The following COL25A1 variants were observed in gnomAD, a reference collection of about 807,000 sequenced individuals.
COL25A1 encodes the protein collagen type XXV alpha 1 chain, also known as collagen alpha-1(XXV) chain.
A neutral mutation model predicts 128.4 loss-of-function variants in COL25A1; 103 were observed. That is an observed-to-expected ratio of 0.80 (90% CI 0.68 to 0.94). The LOEUF (loss-of-function observed/expected upper bound fraction) is 0.94. Ranked by LOEUF, COL25A1 falls within the 40% of genes least tolerant of loss-of-function variation. COL25A1 has a pLI of 0.00. For synonymous variants in COL25A1, 279 were observed against 277.2 expected, an observed-to-expected ratio of 1.01 and a Z score of -0.06; for missense variants, 745 against 840.0, an observed-to-expected ratio of 0.89 and a Z score of 1.40.
At position 108,937,732 on chromosome 4, in the gene COL25A1, A is replaced by G. The variant is rs1578823564; in HGVS notation, c.708+76T>C. 3 of 1,247,366 alleles carry G rather than the reference A, an allele frequency of 2.4e-6. No individual in the cohort carries two copies. In the East Asian group the frequency reaches 7.1e-5, roughly 30 times the overall value. The allele number at this position is 1,247,366 out of a possible 1,614,324, so 77.3% of individuals were successfully genotyped here. ...TTATAGTCTGTCATATGACAGATAC[A>G]TTCATCACACATAATCTTGACCATA... On this transcript the variant is annotated intron_variant, in intron 11 of 37. Transcript: ENST00000399132.
At chr4:109,132,558 CA>C (rs1003873850) in intron 3 of COL25A1, among the ~76,000 whole-genome samples, 11 of 151,594 alleles carry the variant, frequency 7.3e-5, no homozygotes, top group African/African-American at 2.4e-4. Flanking sequence ...CTATTCTATC[CA>C]AAAAAATACA....
At chr4:109,013,156 GCT>G (rs1420890670) in intron 5 of COL25A1, among the ~76,000 whole-genome samples, 3 of 151,818 alleles carry the variant, frequency 2.0e-5, no homozygotes, top group African/African-American at 7.3e-5. Flanking sequence ...ACCAATCAGT[GCT>G]CTGTGTCTAG....
At chr4:109,066,714 G>A (rs1340534089) in intron 3 of COL25A1, among the ~76,000 whole-genome samples, 1 of 152,140 alleles carries the variant, frequency 6.6e-6, no homozygotes, top group African/African-American at 2.4e-5. Context: ...CCAGGCTGGA[G>A]TGCCATGGCA....
intron 3 of COL25A1, among the ~76,000 whole-genome samples, chr4:109,197,951 T>G (rs946802367): frequency 6.6e-6 from 1 of 152,166 alleles, no homozygotes; most frequent in Admixed American, 6.6e-5. Flanking sequence ...TTGTCAATAT[T>G]ACATTCACCC....
At chr4:109,002,246 G>A (rs1755508137) in intron 6 of COL25A1, among the ~76,000 whole-genome samples, 1 of 152,216 alleles carries the variant, frequency 6.6e-6, no homozygotes, top group South Asian at 2.1e-4. Context: ...GTATGTTGAA[G>A]AGATATCTGC....
At chr4:108,949,971 C>G (rs1749216482) in intron 8 of COL25A1, among the ~76,000 whole-genome samples, 1 of 152,162 alleles carries the variant, frequency 6.6e-6, no homozygotes, top group African/African-American at 2.4e-5. Context: ...ACAAGATAGA[C>G]TTTATACCAG....
intron 13 of COL25A1, among the ~76,000 whole-genome samples, chr4:108,904,275 G>A (rs1743195249): frequency 6.6e-6 from 1 of 152,054 alleles, no homozygotes; most frequent in Non-Finnish European, 1.5e-5. Flanking sequence ...TGTGCCCAAA[G>A]AGCTTATTTT....
intron 32 of COL25A1, among the ~76,000 whole-genome samples, chr4:108,828,774 C>T (rs1732699488): frequency 6.6e-6 from 1 of 152,186 alleles, no homozygotes; most frequent in Non-Finnish European, 1.5e-5. Context: ...CTCCTTTTAT[C>T]ATACCCCTGA....
At chr4:109,190,750 T>C (rs1356316662) in intron 3 of COL25A1, among the ~76,000 whole-genome samples, 2 of 152,230 alleles carry the variant, frequency 1.3e-5, no homozygotes, top group Non-Finnish European at 2.9e-5. Flanking sequence ...AGAGGCTAAA[T>C]ATTCTAAAGC....
At chr4:109,024,924 G>A (rs1418248082) in intron 5 of COL25A1, among the ~76,000 whole-genome samples, 1 of 152,106 alleles carries the variant, frequency 6.6e-6, no homozygotes, top group Non-Finnish European at 1.5e-5. Context: ...ATAAAGAAAG[G>A]GGCAGAAGAG....
At chr4:108,899,966 A>G (rs1742634990) in intron 14 of COL25A1, among the ~76,000 whole-genome samples, 1 of 152,192 alleles carries the variant, frequency 6.6e-6, no homozygotes, top group African/African-American at 2.4e-5. Context: ...CATTATGAAA[A>G]TAGTTTCCTA....
chr4:109,111,057 C>G (rs1278394933), intron 3 of COL25A1, among the ~76,000 whole-genome samples: 1 of 152,194 alleles, frequency 6.6e-6, no homozygotes, highest in Admixed American at 6.5e-5. Context: ...GCACATGAGG[C>G]CCTTCAAAAT....
intron 3 of COL25A1, among the ~76,000 whole-genome samples, chr4:109,218,353 T>G (rs1041166215): frequency 3.9e-5 from 5 of 128,992 alleles, no homozygotes; most frequent in Admixed American, 3.1e-4. Flanking sequence ...GCTGGTTTTT[T>G]GGGGTTTTTT....
Position 109,083,757 on chromosome 4 carries a change from G to A in COL25A1, c.368-33578C>T, listed in dbSNP as rs1007865258. On this transcript the variant is annotated intron_variant, in intron 3 of 37. Coordinates refer to ENST00000399132, the MANE Select transcript of COL25A1 (RefSeq NM_198721.4). The stretch of plus-strand genomic sequence containing the variant: ...TGGGATTACAGGCGTGAGCCACCGC[G>A]TCCGGCCTAAATAAAATATTTTATA... Among the ~76,000 whole-genome samples, 7 of 152,024 alleles carry A rather than the reference G, an allele frequency of 4.6e-5. No individual in the cohort carries two copies. In the South Asian group the frequency reaches 8.3e-4, roughly 18 times the overall value.
intron 3 of COL25A1, among the ~76,000 whole-genome samples, chr4:109,201,702 T>C (rs367798116): frequency 8.5e-5 from 13 of 152,256 alleles, no homozygotes; most frequent in African/African-American, 3.1e-4. Flanking sequence ...TACAACTGTC[T>C]TTTCCACAGA....
At chr4:109,218,357 G>GTTTTTTTTTTGTTTGTT (rs1553961829) in intron 3 of COL25A1, among the ~76,000 whole-genome samples, 81 of 73,424 alleles carry the variant, frequency 1.1e-3, no homozygotes, top group South Asian at 1.4e-3. Context: ...GTTTTTTGGG[G>GTTTTTTTTTTGTTTGTT]TTTTTTTTTT....
intron 6 of COL25A1, among the ~76,000 whole-genome samples, chr4:108,995,692 GA>G (rs1189823755): frequency 1.3e-5 from 2 of 152,110 alleles, no homozygotes; most frequent in African/African-American, 4.8e-5. Flanking sequence ...TGAAATGAAC[GA>G]AAAAATGTTA....
rs1730906508 is a variant in COL25A1 at position 108,812,820 on chromosome 4, A to G, written c.*1107T>C. On this transcript the variant is annotated 3_prime_UTR_variant, in exon 38 of 38. Transcript: ENST00000399132. ...GTAAGCTCTCCTATATCATCGGGAG[A>G]GGCGATTTTGGCTGATCCCTTCTCA... is the stretch of plus-strand genomic sequence containing the variant. The G allele has an allele frequency of 6.6e-6, 1 of 152,090 alleles. No individual in the cohort carries two copies. The highest frequency in any genetic ancestry group is 2.4e-5 in the African/African-American group (1 of 41,416). 9.4% of individuals were successfully genotyped at this position (152,090 alleles called of 1,614,324 possible).
At chr4:109,147,643 C>A (rs573458072) in intron 3 of COL25A1, among the ~76,000 whole-genome samples, 2 of 151,760 alleles carry the variant, frequency 1.3e-5, no homozygotes, top group South Asian at 2.1e-4. Context: ...GTGGTGAAAC[C>A]CTGTCTCTAG....
Sources: allele counts gnomAD v4.1 joint callset (sites outside exome capture counted in the v4.1 genomes callset), GRCh38; gene constraint gnomAD v4.1.1; transcripts MANE v1.5; gene names NCBI Gene and HGNC (gene_info 2026-07-23, HGNC 2026-07-21).